GNA14: variants seen among roughly 807,000 people sequenced by gnomAD.
GNA14 encodes guanine nucleotide-binding protein subunit alpha-14.
GNA14 carries 50 observed loss-of-function variants against 42.0 expected under a neutral mutation model. That is an observed-to-expected ratio of 1.19 (90% CI 0.95 to 1.51). The LOEUF is 1.51. Among genes scored for constraint, GNA14 ranks in the 40% most tolerant of loss-of-function variants. The pLI is 0.00. For missense variants in GNA14, 473 were observed against 446.2 expected (o/e 1.06, Z -0.54); for synonymous variants, 173 against 163.1 (o/e 1.06, Z -0.46).
chr9:77,519,489 A>G (rs636562), intron 2 of GNA14, among the ~76,000 whole-genome samples: 93,479 of 152,068 alleles, frequency 0.61, 28,967 homozygotes, highest in African/African-American at 0.67. Context: ...TAGTTAATGT[A>G]TTCCGTTTAA....
chr9:77,542,504 T>C lies in GNA14; in HGVS notation c.125-13251A>G, dbSNP rs115063176. Among the ~76,000 whole-genome samples the C allele has an allele frequency of 4.9e-3, 743 of 152,326 alleles. 5 individuals are homozygous for C. Among genetic ancestry groups the C allele is most frequent in the African/African-American group, 0.017 (690 of 41,582 alleles). ...TTAGTGGGTCTAGGTTTGCCAATTCTAGGGCTTCCAGTTGGCTTGCTCACA... is the reference window on the plus strand; with the variant it reads ...TTAGTGGGTCTAGGTTTGCCAATTCCAGGGCTTCCAGTTGGCTTGCTCACA... On this transcript the variant is annotated intron_variant, in intron 1 of 6. Coordinates refer to ENST00000341700, the MANE Select transcript of GNA14 (RefSeq NM_004297.4).
rs143463285 is a variant in GNA14, at chr9:77,600,664, T to C, written c.124+47006A>G. The stretch of plus-strand genomic sequence containing the variant: ...CGGACGCAGTGGCTCACGCCTGTAA[T>C]CCCAGCACTTTGGGAGGCCGATGTG... On this transcript the variant is annotated intron_variant, in intron 1 of 6. Coordinates refer to ENST00000341700, the MANE Select transcript of GNA14 (RefSeq NM_004297.4). 1.3e-4 allele frequency among the ~76,000 whole-genome samples: 20 copies of C among 152,294 alleles called. No individual in the cohort carries two copies. In the East Asian group the frequency reaches 3.9e-3, roughly 29 times the overall value.
At chr9:77,506,255 T>C (rs1265887200) in intron 2 of GNA14, among the ~76,000 whole-genome samples, 3 of 148,972 alleles carry the variant, frequency 2.0e-5, no homozygotes. Flanking sequence ...GCACTCCAGC[T>C]TAACCAACAG....
chr9:77,512,341 G>A (rs908319012), intron 2 of GNA14, among the ~76,000 whole-genome samples: 23 of 152,044 alleles, frequency 1.5e-4, no homozygotes, highest in African/African-American at 5.6e-4. Context: ...ATTTTAAACT[G>A]CTAATATTTA....
intron 3 of GNA14, 55 bp from the exon 4 acceptor site, chr9:77,431,504 C>T: frequency 6.5e-7 from 1 of 1,527,306 alleles, no homozygotes. Context: ...GGGAAATGTC[C>T]ATCCTACTCA....
chr9:77,487,874 C>A (rs1025119992), intron 2 of GNA14, among the ~76,000 whole-genome samples: 4 of 152,162 alleles, frequency 2.6e-5, no homozygotes, highest in African/African-American at 9.7e-5. Flanking sequence ...TCGCTCAGAT[C>A]TCACTGTCTC....
chr9:77,468,156 G>T (rs1836269205), intron 2 of GNA14, among the ~76,000 whole-genome samples: 1 of 152,196 alleles, frequency 6.6e-6, no homozygotes, highest in South Asian at 2.1e-4. Context: ...TTCCTGGATA[G>T]AGCTTCTATC....
intron 1 of GNA14, among the ~76,000 whole-genome samples, chr9:77,605,097 A>C (rs1352764760): frequency 6.6e-6 from 1 of 152,228 alleles, no homozygotes; most frequent in Non-Finnish European, 1.5e-5. Flanking sequence ...CCCTCTAAAA[A>C]GTATCTAAAT....
chr9:77,620,470 T>C (rs1445489041), intron 1 of GNA14, among the ~76,000 whole-genome samples: 1 of 152,198 alleles, frequency 6.6e-6, no homozygotes, highest in Non-Finnish European at 1.5e-5. Flanking sequence ...AAATACAAAT[T>C]AGAAACAATA....
chr9:77,522,731 G>C (rs1052585696), intron 2 of GNA14, among the ~76,000 whole-genome samples: 5 of 152,138 alleles, frequency 3.3e-5, no homozygotes, highest in African/African-American at 1.2e-4. Flanking sequence ...GAGCCTGTGG[G>C]GGTGATACTC....
intron 2 of GNA14, among the ~76,000 whole-genome samples, chr9:77,484,942 C>G (rs1836631048): frequency 9.9e-6 from 1 of 101,464 alleles, no homozygotes; most frequent in Admixed American, 9.3e-5. Flanking sequence ...TCTGAGCATA[C>G]AGCAAGTTAT....
At chr9:77,545,684 G>A (rs1434240364) in intron 1 of GNA14, among the ~76,000 whole-genome samples, 2 of 152,076 alleles carry the variant, frequency 1.3e-5, no homozygotes, top group East Asian at 1.9e-4. Flanking sequence ...TGATTCCCTG[G>A]TCAGAGTGTC....
chr9:77,592,060 G>A (rs577595514), intron 1 of GNA14, among the ~76,000 whole-genome samples: 5 of 152,038 alleles, frequency 3.3e-5, no homozygotes, highest in East Asian at 3.9e-4. Flanking sequence ...GACTACAGGC[G>A]CCCACCACCA....
intron 2 of GNA14, among the ~76,000 whole-genome samples, chr9:77,473,127 T>C (rs942427713): frequency 1.3e-5 from 2 of 152,150 alleles, no homozygotes; most frequent in African/African-American, 2.4e-5. Context: ...ACAAAACTTG[T>C]ACAATGAAAA....
At position 77,647,754 on chromosome 9, in the gene GNA14, A is replaced by G; in HGVS notation, c.40T>C (p.Ser14Pro). ...CCCLSAEEKESQRISAEIERQ... is the reference protein window; with the variant it reads ...CCCLSAEEKEPQRISAEIERQ... ...TCGATCTCCGCGCTGATGCGCTGCG[A>G]CTCCTTCTCCTCCGCGGACAGGCAG... The change falls in exon 1 of 7, where the codon TCG (serine) becomes CCG (proline). Residue 14 changes from serine (S) to proline (P), a missense_variant. Physicochemically the swap from Ser to Pro is moderately conservative, Grantham distance 74. Coordinates refer to ENST00000341700, the MANE Select transcript of GNA14 (RefSeq NM_004297.4). 1.2e-6 allele frequency: 2 copies of G among 1,608,852 alleles called. No individual in the cohort carries two copies. Among genetic ancestry groups the G allele is most frequent in the Non-Finnish European group, 1.7e-6 (2 of 1,178,354 alleles).
At position 77,501,514 on chromosome 9, in the gene GNA14, C is replaced by T. The variant is rs73458065; in HGVS notation, c.309+27555G>A. ...TCTGTATATCTTCTTCACCGAAATG[C>T]CTCTTCATGTCTTTTGGCCATTTTC... On this transcript the variant is annotated intron_variant, in intron 2 of 6. Transcript: ENST00000341700. 2.0e-3 allele frequency among the ~76,000 whole-genome samples: 299 copies of T among 151,948 alleles called. 1 individual carries two copies. Among genetic ancestry groups the T allele is most frequent in the African/African-American group, 7.0e-3 (290 of 41,470 alleles).
chr9:77,531,189 C>A (rs1837523919), intron 1 of GNA14, among the ~76,000 whole-genome samples: 1 of 152,164 alleles, frequency 6.6e-6, no homozygotes, highest in African/African-American at 2.4e-5. Context: ...GAACAATGTG[C>A]CTGCTTTATA....
chr9:77,528,985 C>G (rs539843083), intron 2 of GNA14, 84 bp downstream of exon 2: 1 of 1,182,018 alleles, frequency 8.5e-7, no homozygotes, highest in Non-Finnish European at 1.3e-6. Context: ...GGCATCTGAC[C>G]AAAGCACTGA....
chr9:77,430,639 G>T (rs1365080408), intron 4 of GNA14, among the ~76,000 whole-genome samples: 2 of 152,196 alleles, frequency 1.3e-5, no homozygotes, highest in African/African-American at 4.8e-5. Context: ...GAGGACTGAT[G>T]TGTTGTCTCA....
Sources: gnomAD v4.1 joint callset for allele counts (sites outside exome capture counted in the v4.1 genomes callset) on GRCh38, gnomAD v4.1.1 for gene constraint, MANE v1.5 for transcripts, NCBI Gene and HGNC (gene_info 2026-07-23, HGNC 2026-07-21) for gene names.